CENPQ: variants seen among roughly 807,000 people sequenced by gnomAD.
CENPQ encodes the protein chromosome 6 open reading frame 139.
Under a neutral mutation model 36.6 loss-of-function variants are expected in CENPQ, and 27 were observed. The ratio of observed to expected loss-of-function variants is 0.74; its 90% CI spans 0.54 to 1.02. The LOEUF is 1.02. Ranked by LOEUF, CENPQ falls within the 50% of genes least tolerant of loss-of-function variation. The probability of loss-of-function intolerance (pLI) is 0.00; values close to 1 mark genes in which losing one functional copy is unlikely to be tolerated. For missense variants in CENPQ, 306 were observed against 301.8 expected (o/e 1.01, Z -0.10); for synonymous variants, 101 against 101.7 (o/e 0.99, Z 0.04).
intron 5 of CENPQ, among the ~76,000 whole-genome samples, chr6:49,478,012 G>T (rs936470971): frequency 3.3e-5 from 5 of 152,118 alleles, no homozygotes; most frequent in African/African-American, 1.2e-4. Context: ...CAACAGATAG[G>T]CAGTCTCTTT....
intron 6 of CENPQ, among the ~76,000 whole-genome samples, chr6:49,487,596 A>G (rs1259973414): frequency 6.6e-6 from 1 of 152,220 alleles, no homozygotes; most frequent in Admixed American, 6.5e-5. Flanking sequence ...AAGAGTTATT[A>G]CTTATGTATA....
intron 5 of CENPQ, among the ~76,000 whole-genome samples, chr6:49,476,669 A>G (rs1158372457): frequency 3.9e-5 from 6 of 152,186 alleles, no homozygotes; most frequent in East Asian, 1.9e-4. Flanking sequence ...TTTGCAATCT[A>G]CTCATCTGAC....
At chr6:49,482,434 G>A (rs1021256252) in intron 6 of CENPQ, among the ~76,000 whole-genome samples, 2 of 152,182 alleles carry the variant, frequency 1.3e-5, no homozygotes, top group African/African-American at 2.4e-5. Flanking sequence ...GAATTTGCCT[G>A]ATGACCACTC....
chr6:49,474,069 G>A (rs1358281631), intron 5 of CENPQ, among the ~76,000 whole-genome samples: 2 of 151,998 alleles, frequency 1.3e-5, no homozygotes, highest in African/African-American at 4.8e-5. Context: ...AATAATAATG[G>A]GAGACTTTAA....
intron 8 of CENPQ, among the ~76,000 whole-genome samples, chr6:49,489,219 T>C (rs1768663409): frequency 6.6e-6 from 1 of 152,260 alleles, no homozygotes; most frequent in Non-Finnish European, 1.5e-5. Context: ...CTTTGTCAGC[T>C]AAGTTTTTGT....
intron 5 of CENPQ, 24 bp from the exon 6 acceptor site, chr6:49,480,927 A>G: frequency 6.6e-7 from 1 of 1,522,270 alleles, no homozygotes; most frequent in Non-Finnish European, 8.9e-7. Flanking sequence ...TAAACAAAAT[A>G]ATTGTTTTTA....
At chr6:49,474,135 C>T (rs1057365305) in intron 5 of CENPQ, among the ~76,000 whole-genome samples, 1 of 152,136 alleles carries the variant, frequency 6.6e-6, no homozygotes, top group African/African-American at 2.4e-5. Flanking sequence ...CAAGGATATA[C>T]AGTAATTGAA....
chr6:49,490,205 C>G (rs9473566), intron 8 of CENPQ, among the ~76,000 whole-genome samples: 42,364 of 152,206 alleles, frequency 0.28, 6,370 homozygotes, highest in Non-Finnish European at 0.34. Context: ...GCCACCTTCA[C>G]CAGTGATCTT....
chr6:49,476,310 A>G (rs1380617425), intron 5 of CENPQ, among the ~76,000 whole-genome samples: 1 of 152,222 alleles, frequency 6.6e-6, no homozygotes, highest in African/African-American at 2.4e-5. Context: ...CCTGACAAAA[A>G]CAAGCAATGG....
chr6:49,492,590 G>T lies in CENPQ; in HGVS notation c.*315G>T. 5.2e-6 allele frequency: 1 copy of T among 192,766 alleles called. No homozygotes were observed. Among genetic ancestry groups the T allele is most frequent in the Non-Finnish European group, 1.0e-5 (1 of 96,190 alleles). The allele number at this position is 192,766 out of a possible 1,614,324, so 11.9% of individuals were successfully genotyped here. A position where few individuals can be genotyped will look rare whatever the true frequency, so the allele number is the denominator to read the frequency against. The stretch of plus-strand genomic sequence containing the variant: ...ATGCCTGAATGGAACTCATTTATTG[G>T]TTAACAGCTCATATCAGGAGCTGTG... On this transcript the variant is annotated 3_prime_UTR_variant, in exon 9 of 9. Transcript: ENST00000335783.
In CENPQ at chr6:49,464,164, C is replaced by T. The variant is rs189258695; in HGVS notation, c.-19+711C>T. ...TTCCGAGATATTGCGGGGTCGGTTC[C>T]AGACCAATAAAGCCTGTCACACGAT... On this transcript the variant is annotated intron_variant, in intron 1 of 8. Coordinates refer to ENST00000335783, the MANE Select transcript of CENPQ (RefSeq NM_018132.4). Among the ~76,000 whole-genome samples, 974 of 152,148 alleles carry T rather than the reference C, an allele frequency of 6.4e-3. 6 individuals carry two copies. The highest frequency in any genetic ancestry group is 9.9e-3 in the Non-Finnish European group (674 of 68,000).
At chr6:49,488,223 C>A in intron 6 of CENPQ, 129 bp from the exon 7 acceptor site, 1 of 629,004 alleles carries the variant, frequency 1.6e-6, no homozygotes, top group Non-Finnish European at 2.5e-6. Flanking sequence ...GTAAATTCAC[C>A]AGTTGCTTCT....
chr6:49,486,752 A>T (rs1257541528), intron 6 of CENPQ, among the ~76,000 whole-genome samples: 1 of 152,172 alleles, frequency 6.6e-6, no homozygotes, highest in African/African-American at 2.4e-5. Context: ...TAAATCCTTT[A>T]GAGCTGTATA....
intron 5 of CENPQ, among the ~76,000 whole-genome samples, chr6:49,473,756 G>A (rs756720115): frequency 6.6e-6 from 1 of 152,156 alleles, no homozygotes; most frequent in Non-Finnish European, 1.5e-5. Flanking sequence ...CCATCAGTGT[G>A]CTGTATTCAG....
intron 1 of CENPQ, among the ~76,000 whole-genome samples, chr6:49,467,513 T>C (rs1768031426): frequency 6.6e-6 from 1 of 152,204 alleles, no homozygotes; most frequent in African/African-American, 2.4e-5. Flanking sequence ...TTTAAAAAAA[T>C]ACTAATTACT....
At chr6:49,480,310 A>G (rs1430392340) in intron 5 of CENPQ, among the ~76,000 whole-genome samples, 2 of 152,198 alleles carry the variant, frequency 1.3e-5, no homozygotes, top group African/African-American at 4.8e-5. Flanking sequence ...GCCAGATGTG[A>G]TGATAGAAAT....
chr6:49,488,784 G>A (rs184852635), intron 8 of CENPQ, 100 bp downstream of exon 8: 156 of 902,182 alleles, frequency 1.7e-4, no homozygotes, highest in Admixed American at 9.2e-4. Context: ...AATAACGCAA[G>A]TCACACAAAT....
chr6:49,469,559 G>C (rs551841257), intron 1 of CENPQ, among the ~76,000 whole-genome samples: 11 of 152,212 alleles, frequency 7.2e-5, no homozygotes, highest in African/African-American at 2.6e-4. Context: ...TTGTGGGAGG[G>C]CAGGGTATTC....
rs536939192 is a variant in CENPQ at position 49,475,731 on chromosome 6, G to C, written c.347+2873G>C. 3.9e-5 allele frequency among the ~76,000 whole-genome samples: 6 copies of C among 152,162 alleles called. No homozygotes were observed. The South Asian group carries it at 8.3e-4, about 21-fold the overall frequency. ...GATAAGCAACTTCAGCAAAATCTCA[G>C]GATACAAAATCAATGTGCAAAAATC... On this transcript the variant is annotated intron_variant, in intron 5 of 8. Coordinates refer to ENST00000335783, the MANE Select transcript of CENPQ (RefSeq NM_018132.4).
Sources: allele counts gnomAD v4.1 joint callset (sites outside exome capture counted in the v4.1 genomes callset), GRCh38; gene constraint gnomAD v4.1.1; transcripts MANE v1.5; gene names NCBI Gene and HGNC (gene_info 2026-07-23, HGNC 2026-07-21).